ZNF407: variants seen among roughly 807,000 people sequenced by gnomAD.
The protein encoded by ZNF407 is zinc finger protein 407.
In ZNF407, 17 loss-of-function variants were observed where a neutral mutation model predicts 131.2. The ratio of observed to expected loss-of-function variants is 0.13; its 90% confidence interval spans 0.09 to 0.19. The LOEUF is 0.19. ZNF407 is among the 10% of genes least tolerant of loss of function. The probability of loss-of-function intolerance (pLI) is 1.00; values close to 1 mark genes in which losing one functional copy is unlikely to be tolerated. For synonymous variants in ZNF407, 1,156 were observed against 1,062.0 expected, an observed-to-expected ratio of 1.09 and a Z score of -1.72; for missense variants, 2,681 against 2,830.6, an observed-to-expected ratio of 0.95 and a Z score of 1.20.
At chr18:74,774,033 T>C (rs1969416327) in intron 3 of ZNF407, among the ~76,000 whole-genome samples, 2 of 152,318 alleles carry the variant, frequency 1.3e-5, no homozygotes, top group South Asian at 4.1e-4. Context: ...GTAAGAGAAG[T>C]GATGTCAAAT....
intron 4 of ZNF407, among the ~76,000 whole-genome samples, chr18:74,795,936 C>T (rs1269564094): frequency 6.6e-6 from 1 of 152,226 alleles, no homozygotes; most frequent in Non-Finnish European, 1.5e-5. Flanking sequence ...TCATACCAGC[C>T]TCCCGCTGTG....
At chr18:74,752,709 G>T (rs899639570) in intron 3 of ZNF407, among the ~76,000 whole-genome samples, 7 of 152,038 alleles carry the variant, frequency 4.6e-5, no homozygotes, top group Admixed American at 6.6e-5. Context: ...ATTTCTGAGG[G>T]CTCTGTTCTG....
intron 4 of ZNF407, among the ~76,000 whole-genome samples, chr18:74,863,803 G>C (rs376200596): frequency 2.0e-5 from 3 of 152,166 alleles, no homozygotes; most frequent in East Asian, 3.9e-4. Flanking sequence ...ACCTAATTGG[G>C]GTGTTGGCTA....
At chr18:74,739,720 A>G (rs1003574415) in intron 3 of ZNF407, among the ~76,000 whole-genome samples, 13 of 152,124 alleles carry the variant, frequency 8.5e-5, no homozygotes, top group Admixed American at 2.0e-4. Context: ...ATATGGTCCA[A>G]TCTATTTTAG....
At chr18:74,921,544 C>T (rs2145243209) in intron 8 of ZNF407, among the ~76,000 whole-genome samples, 1 of 152,248 alleles carries the variant, frequency 6.6e-6, no homozygotes, top group South Asian at 2.1e-4. Flanking sequence ...TGCTTTTAAA[C>T]CCTGCTTCTC....
At chr18:74,664,670 T>C (rs1016706334) in intron 3 of ZNF407, among the ~76,000 whole-genome samples, 6 of 152,150 alleles carry the variant, frequency 3.9e-5, no homozygotes, top group African/African-American at 1.4e-4. Flanking sequence ...GATTGCTTTT[T>C]CCCCTTCTGC....
intron 2 of ZNF407, among the ~76,000 whole-genome samples, chr18:74,637,956 C>T (rs1478066253): frequency 1.3e-5 from 2 of 152,140 alleles, no homozygotes; most frequent in Admixed American, 1.3e-4. Context: ...ATCAACATGA[C>T]CAGAAAGGGC....
intron 4 of ZNF407, among the ~76,000 whole-genome samples, chr18:74,874,364 T>C (rs1971126701): frequency 6.6e-6 from 1 of 152,214 alleles, no homozygotes; most frequent in Non-Finnish European, 1.5e-5. Context: ...ATACTGTAAA[T>C]TCAGTTATGC....
intron 3 of ZNF407, among the ~76,000 whole-genome samples, chr18:74,775,238 T>A (rs1176725057): frequency 1.3e-5 from 2 of 152,216 alleles, no homozygotes; most frequent in African/African-American, 4.8e-5. Context: ...TTTACCTATT[T>A]TGTCCCATGT....
intron 7 of ZNF407, among the ~76,000 whole-genome samples, chr18:74,912,868 A>G (rs1465146700): frequency 6.6e-6 from 1 of 152,228 alleles, no homozygotes; most frequent in African/African-American, 2.4e-5. Context: ...ACCAACAATC[A>G]TTTAGAAAAA....
intron 8 of ZNF407, among the ~76,000 whole-genome samples, chr18:74,970,308 C>A (rs760083385): frequency 2.6e-5 from 4 of 152,152 alleles, no homozygotes; most frequent in Non-Finnish European, 5.9e-5. Context: ...CAAAACCAAT[C>A]ATGCCTTCCC....
chr18:74,636,256 G>A (rs1984458030), intron 2 of ZNF407, among the ~76,000 whole-genome samples: 1 of 152,112 alleles, frequency 6.6e-6, no homozygotes, highest in African/African-American at 2.4e-5. Context: ...GGTGTTCCTG[G>A]AGGTAGCACC....
At chr18:74,743,169 T>C (rs1254958266) in intron 3 of ZNF407, among the ~76,000 whole-genome samples, 2 of 152,174 alleles carry the variant, frequency 1.3e-5, no homozygotes, top group African/African-American at 4.8e-5. Flanking sequence ...AAGAAGCAAG[T>C]TACAGGGGTT....
intron 3 of ZNF407, among the ~76,000 whole-genome samples, chr18:74,691,398 A>G (rs946419767): frequency 6.6e-6 from 1 of 151,768 alleles, no homozygotes; most frequent in African/African-American, 2.4e-5. Context: ...TAAAACAGCC[A>G]TTTATTGTTA....
chr18:74,920,752 T>TAG, intron 8 of ZNF407, 60 bp downstream of exon 8: 2 of 1,520,678 alleles, frequency 1.3e-6, no homozygotes. Flanking sequence ...TCACAGCAGT[T>TAG]ATAATGCTAT....
chr18:75,029,661 C>A (rs1184678381), intron 8 of ZNF407, among the ~76,000 whole-genome samples: 1 of 152,166 alleles, frequency 6.6e-6, no homozygotes, highest in African/African-American at 2.4e-5. Flanking sequence ...GCAGGGCATG[C>A]GCAGGGGCAG....
chr18:74,831,171 T>C (rs553532349), intron 4 of ZNF407, among the ~76,000 whole-genome samples: 1 of 152,356 alleles, frequency 6.6e-6, no homozygotes, highest in East Asian at 1.9e-4. Flanking sequence ...TATCCGTTCT[T>C]CTGCTGTTGG....
chr18:74,897,242 A>C (rs1438103091), intron 7 of ZNF407, among the ~76,000 whole-genome samples: 1 of 152,210 alleles, frequency 6.6e-6, no homozygotes, highest in Non-Finnish European at 1.5e-5. Flanking sequence ...AATAGATTCC[A>C]TAGCATTAAA....
rs1264699426 is a variant in ZNF407 at position 74,766,037 on chromosome 18, GTGTGTGTGTGTGTGTGTGTC to G, written c.4803-15385_4803-15366del. ...TGTGTGTGTGTGTGTGTGTGTGTGTGTGTGTGTGTGTGTGTGTGTCTGTGTCTGTGTGTCTGTGTGTGTGT... is the reference window on the plus strand; with the variant it reads ...TGTGTGTGTGTGTGTGTGTGTGTGTGTGTGTCTGTGTGTCTGTGTGTGTGT... On this transcript the variant is annotated intron_variant, in intron 3 of 8. Transcript: ENST00000299687. Among the ~76,000 whole-genome samples, 79 of 17,566 alleles carry G rather than the reference GTGTGTGTGTGTGTGTGTGTC, an allele frequency of 4.5e-3. No homozygotes were observed. The East Asian group carries it at 0.12, about 27-fold the overall frequency. The allele number at this position is 17,566 out of a possible 152,430, so 11.5% of individuals were successfully genotyped here.
Sources: allele counts gnomAD v4.1 joint callset (sites outside exome capture counted in the v4.1 genomes callset), GRCh38; gene constraint gnomAD v4.1.1; transcripts MANE v1.5; gene names NCBI Gene and HGNC (gene_info 2026-07-23, HGNC 2026-07-21).